DCUN1D4: variants seen among roughly 807,000 people sequenced by gnomAD.
DCUN1D4 encodes DCN1-like protein 4.
Under a neutral mutation model 47.9 loss-of-function variants are expected in DCUN1D4, and 22 were observed. That is an observed-to-expected ratio of 0.46 (90% CI 0.33 to 0.66). DCUN1D4 has a LOEUF of 0.66. Ranked by LOEUF, DCUN1D4 falls within the 30% of genes least tolerant of loss-of-function variation. DCUN1D4 has a pLI of 0.02. For missense variants in DCUN1D4, 301 were observed against 340.8 expected (o/e 0.88, Z 0.92); for synonymous variants, 121 against 112.2 (o/e 1.08, Z -0.50).
At chr4:51,854,974 A>G (rs1271054894) in intron 1 of DCUN1D4, among the ~76,000 whole-genome samples, 1 of 152,180 alleles carries the variant, frequency 6.6e-6, no homozygotes, top group African/African-American at 2.4e-5. Context: ...ACCTGAAGAA[A>G]TCTGAAATCT....
At chr4:51,890,407 A>G (rs912897739) in intron 6 of DCUN1D4, among the ~76,000 whole-genome samples, 2 of 152,232 alleles carry the variant, frequency 1.3e-5, no homozygotes, top group African/African-American at 4.8e-5. Flanking sequence ...AAGAGATCAA[A>G]TTAACTGCCA....
At chr4:51,837,844 C>T in the DCUN1D4 span, among the ~76,000 whole-genome samples, 43 of 151,944 alleles carry the variant, frequency 2.8e-4, no homozygotes, top group Non-Finnish European at 4.1e-4. Context: ...TCTAAGATGG[C>T]TCCTTCATGA....
At chr4:51,839,140 A>AGGGAAGGAAGGAAGGAAGGAAG (rs1721566677), upstream of DCUN1D4, among the ~76,000 whole-genome samples, 3 of 148,004 alleles carry the variant, frequency 2.0e-5, no homozygotes, top group African/African-American at 7.7e-5. Flanking sequence ...GGAATGAGGG[A>AGGGAAGGAAGGAAGGAAGGAAG]GGGAAGGAAG....
At chr4:51,867,140 G>A (rs61794803) in intron 3 of DCUN1D4, among the ~76,000 whole-genome samples, 3,923 of 152,366 alleles carry the variant, frequency 0.026, 58 homozygotes, top group South Asian at 0.041. Context: ...AGCTCTGTGC[G>A]AGGCTGCAGC....
upstream of DCUN1D4, among the ~76,000 whole-genome samples, chr4:51,840,838 G>A (rs577503615): frequency 3.3e-4 from 51 of 152,262 alleles, 1 homozygote; most frequent in South Asian, 7.5e-3. Context: ...AGGGTCAGCC[G>A]ACTAGGAATG....
At chr4:51,847,845 C>T (rs1722792307) in intron 1 of DCUN1D4, among the ~76,000 whole-genome samples, 1 of 152,124 alleles carries the variant, frequency 6.6e-6, no homozygotes, top group African/African-American at 2.4e-5. Flanking sequence ...TGAAGCAGTG[C>T]TTCCTTCTGT....
chr4:51,891,873 T>TG, intron 7 of DCUN1D4, 22 bp downstream of exon 7: 1 of 1,564,962 alleles, frequency 6.4e-7, no homozygotes, highest in Non-Finnish European at 8.7e-7. Flanking sequence ...GCTGCACTAG[T>TG]GGGGGTCCCT....
intron 3 of DCUN1D4, among the ~76,000 whole-genome samples, chr4:51,873,492 C>A (rs1727214588): frequency 6.6e-6 from 1 of 152,178 alleles, no homozygotes. Flanking sequence ...GCCTAACCTC[C>A]CTCCGCCTCC....
intron 8 of DCUN1D4, chr4:51,905,296 GC>G (rs915499519): frequency 2.3e-6 from 1 of 438,030 alleles, no homozygotes; most frequent in Non-Finnish European, 4.7e-6. Flanking sequence ...CAGCAGCAGG[GC>G]CCGCATCTGC....
the DCUN1D4 span, among the ~76,000 whole-genome samples, chr4:51,835,946 G>GC: frequency 6.6e-6 from 1 of 151,952 alleles, no homozygotes; most frequent in Non-Finnish European, 1.5e-5. Flanking sequence ...TAAAATACTG[G>GC]CCCCCCAAGC....
intron 9 of DCUN1D4, 22 bp from the exon 10 acceptor site, chr4:51,913,268 A>G (rs377194143): frequency 1.9e-5 from 27 of 1,443,160 alleles, no homozygotes; most frequent in Non-Finnish European, 2.4e-5. Context: ...TCAGTAATTC[A>G]TATTACTTTT....
At chr4:51,841,340 T>C (rs1301320928), upstream of DCUN1D4, among the ~76,000 whole-genome samples, 5 of 152,102 alleles carry the variant, frequency 3.3e-5, no homozygotes, top group African/African-American at 9.7e-5. Context: ...AGCTGAAACA[T>C]AAATAGAATA....
Position 51,844,458 on chromosome 4 carries a change from G to C in DCUN1D4, c.25+1191G>C, listed in dbSNP as rs936826879. The stretch of plus-strand genomic sequence containing the variant: ...AGGAGGCGGGGCAGGGGTGCGGGCT[G>C]CGGGGTTTCAGCAGCGGGAGCCGGA... On this transcript the variant is annotated intron_variant, in intron 1 of 10. Coordinates refer to ENST00000334635, the MANE Select transcript of DCUN1D4 (RefSeq NM_001040402.3). The C allele has an allele frequency of 6.2e-6, 6 of 969,110 alleles. No individual in the cohort carries two copies. The East Asian group carries it at 5.8e-4, about 93-fold the overall frequency. 60.0% of individuals were successfully genotyped at this position (969,110 alleles called of 1,614,324 possible). A position where few individuals can be genotyped will look rare whatever the true frequency, so the allele number is the denominator to read the frequency against.
intron 1 of DCUN1D4, 70 bp from the exon 2 acceptor site, chr4:51,863,367 A>G: frequency 8.0e-7 from 1 of 1,253,084 alleles, no homozygotes; most frequent in East Asian, 2.3e-5. Flanking sequence ...ACATTTGTTT[A>G]TTTTCTGAGT....
chr4:51,879,602 G>A (rs936730172), intron 5 of DCUN1D4, among the ~76,000 whole-genome samples: 6 of 152,204 alleles, frequency 3.9e-5, no homozygotes, highest in Admixed American at 6.5e-5. Context: ...GCAAGACTCC[G>A]TCTCCAGAAA....
rs1056321900 is a variant in DCUN1D4 at position 51,874,364 on chromosome 4, C to T, written c.230C>T (p.Ala77Val). 6.2e-7 allele frequency: 1 copy of T among 1,612,906 alleles called. No individual in the cohort carries two copies. Among genetic ancestry groups the T allele is most frequent in the Admixed American group, 1.7e-5 (1 of 59,888 alleles). The part of the protein sequence containing the change: ...RRPASGDDLS[A>V]KKSRHDSMYR... ...CCTGCCTCTGGAGATGATTTATCTG[C>T]CAAGAAAAGTAGACATGATAGGTAT... The change falls in exon 4 of 11, where the codon GCC (alanine) becomes GTC (valine). Residue 77 changes from alanine to valine, a missense_variant. Physicochemically the swap from Ala to Val is moderately conservative, Grantham distance 64. Transcript: ENST00000334635.
chr4:51,853,338 C>CT (rs1309407752), intron 1 of DCUN1D4, among the ~76,000 whole-genome samples: 7 of 152,186 alleles, frequency 4.6e-5, no homozygotes, highest in African/African-American at 1.7e-4. Flanking sequence ...TCTCCTTTGG[C>CT]TTTTGTGCCT....
At chr4:51,898,013 A>G (rs1205555155) in intron 7 of DCUN1D4, among the ~76,000 whole-genome samples, 1 of 152,244 alleles carries the variant, frequency 6.6e-6, no homozygotes, top group Admixed American at 6.5e-5. Flanking sequence ...TTACTGATTC[A>G]GGCAGGTATC....
chr4:51,843,365 A>T, intron 1 of DCUN1D4, 98 bp downstream of exon 1: 2 of 1,399,506 alleles, frequency 1.4e-6, no homozygotes, highest in Non-Finnish European at 1.9e-6. Flanking sequence ...GGGTCCCGAA[A>T]CGCGCCGGGA....
Sources: gnomAD v4.1 joint callset for allele counts (sites outside exome capture counted in the v4.1 genomes callset) on GRCh38, gnomAD v4.1.1 for gene constraint, MANE v1.5 for transcripts, NCBI Gene and HGNC (gene_info 2026-07-23, HGNC 2026-07-21) for gene names.